Variants in FBLN5 observed in about 807,000 individuals in gnomAD.
FBLN5 encodes fibulin-5.
FBLN5 carries 24 observed loss-of-function variants against 61.6 expected under a neutral mutation model. The observed-to-expected ratio is 0.39, with a 90% CI of 0.28 to 0.55. FBLN5 has a LOEUF of 0.55. Ranked by LOEUF, FBLN5 falls within the 20% of genes least tolerant of loss-of-function variation. The pLI, the probability that FBLN5 is intolerant of heterozygous loss-of-function variation, is 0.65. For synonymous variants in FBLN5, 213 were observed against 219.8 expected (o/e 0.97, Z 0.27); for missense variants, 470 against 594.1 (o/e 0.79, Z 2.17).
At chr14:91,915,453 A>G (rs1272999682) in intron 4 of FBLN5, among the ~76,000 whole-genome samples, 1 of 152,100 alleles carries the variant, frequency 6.6e-6, no homozygotes, top group African/African-American at 2.4e-5. Context: ...TGGGAGGCCA[A>G]GGCGGGTGGA....
chr14:91,939,506 A>T (rs2140051402), intron 3 of FBLN5, among the ~76,000 whole-genome samples: 1 of 151,904 alleles, frequency 6.6e-6, no homozygotes, highest in South Asian at 2.1e-4. Context: ...CTCCTGGCTA[A>T]TTTTTTTGTA....
chr14:91,883,597 G>T (rs1889578337), intron 7 of FBLN5, among the ~76,000 whole-genome samples: 1 of 127,494 alleles, frequency 7.8e-6, no homozygotes, highest in South Asian at 2.6e-4. Context: ...ACAATTAAGG[G>T]ACATATCCAA....
chr14:91,931,653 C>A (rs555158229), intron 4 of FBLN5, among the ~76,000 whole-genome samples: 1 of 152,332 alleles, frequency 6.6e-6, no homozygotes, highest in East Asian at 1.9e-4. Flanking sequence ...GCTTTCTCAG[C>A]CGCAAAATAT....
chr14:91,944,786 AG>A (rs2056158682), intron 1 of FBLN5, among the ~76,000 whole-genome samples: 1 of 152,236 alleles, frequency 6.6e-6, no homozygotes, highest in African/African-American at 2.4e-5. Flanking sequence ...GTTGGTAACC[AG>A]GGGCTTAGTG....
intron 10 of FBLN5, among the ~76,000 whole-genome samples, chr14:91,877,059 T>C (rs899717367): frequency 2.6e-5 from 4 of 151,952 alleles, no homozygotes; most frequent in African/African-American, 9.7e-5. Context: ...CCCAAGCTGG[T>C]CTTGAGCTCC....
intron 2 of FBLN5, among the ~76,000 whole-genome samples, chr14:91,941,659 C>T (rs1426094692): frequency 6.6e-6 from 1 of 152,100 alleles, no homozygotes; most frequent in African/African-American, 2.4e-5. Context: ...AGGTTCCAGC[C>T]CTGGTTGTCA....
At chr14:91,903,020 C>T (rs1890523933) in intron 4 of FBLN5, among the ~76,000 whole-genome samples, 1 of 152,090 alleles carries the variant, frequency 6.6e-6, no homozygotes, top group African/African-American at 2.4e-5. Context: ...CCTCAAACCT[C>T]AGCATCACAC....
intron 4 of FBLN5, among the ~76,000 whole-genome samples, chr14:91,920,834 G>A (rs1163638362): frequency 6.6e-6 from 1 of 152,134 alleles, no homozygotes; most frequent in African/African-American, 2.4e-5. Flanking sequence ...CACTCCCTTG[G>A]CCAAAGCAAT....
intron 4 of FBLN5, among the ~76,000 whole-genome samples, chr14:91,922,961 A>G (rs1403935857): frequency 2.0e-5 from 3 of 152,338 alleles, no homozygotes; most frequent in Non-Finnish European, 4.4e-5. Context: ...AGGTGATGTA[A>G]TTATGAGGTG....
chr14:91,929,135 A>G (rs1372273009), intron 4 of FBLN5, among the ~76,000 whole-genome samples: 1 of 151,640 alleles, frequency 6.6e-6, no homozygotes, highest in Non-Finnish European at 1.5e-5. Context: ...CACATGATAC[A>G]GTGATATAGA....
At chr14:91,877,383 G>A (rs1486150529) in intron 10 of FBLN5, 104 bp downstream of exon 10, 1 of 938,844 alleles carries the variant, frequency 1.1e-6, no homozygotes, top group Non-Finnish European at 1.8e-6. Context: ...CTGCCTACCT[G>A]TCCCCCAGCC....
chr14:91,887,088 GTGTCC>G, intron 7 of FBLN5, 100 bp downstream of exon 7: 1 of 1,262,926 alleles, frequency 7.9e-7, no homozygotes. Context: ...AACTGGACAT[GTGTCC>G]AGGAAATGAG....
At chr14:91,888,990 A>G (rs1270225834) in intron 6 of FBLN5, among the ~76,000 whole-genome samples, 1 of 152,228 alleles carries the variant, frequency 6.6e-6, no homozygotes, top group African/African-American at 2.4e-5. Flanking sequence ...AAAAGCCTTC[A>G]CGGTGAGCAG....
chr14:91,881,077 T>A (rs1480098185), intron 9 of FBLN5, among the ~76,000 whole-genome samples: 2 of 152,048 alleles, frequency 1.3e-5, no homozygotes, highest in African/African-American at 4.8e-5. Flanking sequence ...ACTCTGATAT[T>A]TTCTATTCCA....
intron 4 of FBLN5, among the ~76,000 whole-genome samples, chr14:91,915,465 C>CACGA (rs1039826961): frequency 3.1e-4 from 47 of 152,028 alleles, no homozygotes; most frequent in Middle Eastern, 3.4e-3. Flanking sequence ...GCGGGTGGAT[C>CACGA]ACGAGGTCAG....
chr14:91,873,695 CACGA>C (rs1889042700), intron 10 of FBLN5: 1 of 152,276 alleles, frequency 6.6e-6, no homozygotes, highest in Admixed American at 6.5e-5. Flanking sequence ...GAAGAATGCA[CACGA>C]ATGACTGAAC....
chr14:91,895,797 C>CAAAAAAA (rs60216411), intron 4 of FBLN5, among the ~76,000 whole-genome samples: 30 of 63,480 alleles, frequency 4.7e-4, no homozygotes, highest in African/African-American at 2.0e-3. Context: ...GACCCTGTCT[C>CAAAAAAA]AAAAAAAAAA....
chr14:91,881,621 T>G (rs1251321155), intron 8 of FBLN5, among the ~76,000 whole-genome samples: 1 of 135,756 alleles, frequency 7.4e-6, no homozygotes, highest in Non-Finnish European at 1.7e-5. Flanking sequence ...CAGATTTTGA[T>G]GACTTAGTAC....
chr14:91,942,933 A>G lies in FBLN5; in HGVS notation c.46T>C (p.Cys16Arg). 1 of 1,550,150 alleles carries G rather than the reference A, an allele frequency of 6.5e-7. No individual in the cohort carries two copies. Among genetic ancestry groups the G allele is most frequent in the Non-Finnish European group, 8.7e-7 (1 of 1,144,400 alleles). Residue 16 changes from cysteine to arginine, a missense_variant, in exon 2 of 11, where the codon TGT (cysteine) becomes CGT (arginine). By Grantham distance (180) the Cys-to-Arg change is radical (BLOSUM62 -3). Coordinates refer to ENST00000342058, the MANE Select transcript of FBLN5 (RefSeq NM_006329.4). ...RILTVTILAL[C>R]LPSPGNAQAQ... is the part of the protein sequence containing the mutation. Reference sequence around the variant, plus strand: ...TGTGCATTCCCAGGGCTTGGAAGACAGAGAGCCAGAATGGTAACAGTGAGT... The same window carrying G: ...TGTGCATTCCCAGGGCTTGGAAGACGGAGAGCCAGAATGGTAACAGTGAGT...
Sources: allele counts gnomAD v4.1 joint callset (sites outside exome capture counted in the v4.1 genomes callset), GRCh38; gene constraint gnomAD v4.1.1; transcripts MANE v1.5; gene names NCBI Gene and HGNC (gene_info 2026-07-23, HGNC 2026-07-21).